The following TOX2 variants were observed in gnomAD, a reference collection of about 807,000 sequenced individuals.
The protein encoded by TOX2 is TOX high mobility group box family member 2, also known as granulosa cell HMG box 1.
A neutral mutation model predicts 47.4 loss-of-function variants in TOX2; 15 were observed. That is an observed-to-expected ratio of 0.32 (90% CI 0.21 to 0.49). The LOEUF (loss-of-function observed/expected upper bound fraction) is 0.49, where lower values mean the gene tolerates loss of function less well. TOX2 is among the 20% of genes least tolerant of loss of function. The pLI is 0.99. For synonymous variants in TOX2, 290 were observed against 296.6 expected (o/e 0.98, Z 0.23); for missense variants, 622 against 673.1 (o/e 0.92, Z 0.84).
chr20:43,960,603 T>C (rs2069741653), intron 1 of TOX2, among the ~76,000 whole-genome samples: 1 of 152,254 alleles, frequency 6.6e-6, no homozygotes, highest in South Asian at 2.1e-4. Flanking sequence ...TTCTTGTCTG[T>C]AGATTTCACA....
At chr20:44,016,361 C>T (rs1038025695) in intron 3 of TOX2, among the ~76,000 whole-genome samples, 9 of 152,140 alleles carry the variant, frequency 5.9e-5, no homozygotes, top group Admixed American at 2.0e-4. Context: ...TGAGCTCATG[C>T]AATCTGCCTG....
At chr20:44,054,622 A>T in intron 5 of TOX2, 96 bp downstream of exon 5, 1 of 1,299,894 alleles carries the variant, frequency 7.7e-7, no homozygotes, top group Non-Finnish European at 1.1e-6. Context: ...CCAGCTCTGG[A>T]ACTAGAGACT....
intron 2 of TOX2, among the ~76,000 whole-genome samples, chr20:44,005,094 A>T (rs2070655597): frequency 6.6e-6 from 1 of 152,212 alleles, no homozygotes; most frequent in African/African-American, 2.4e-5. Context: ...ATGTCCATTT[A>T]AAAAATGAAA....
At chr20:43,968,006 T>G (rs2069889763) in intron 1 of TOX2, among the ~76,000 whole-genome samples, 3 of 152,326 alleles carry the variant, frequency 2.0e-5, no homozygotes, top group Admixed American at 2.0e-4. Context: ...AAATTACATA[T>G]GTGGGTCACA....
At chr20:44,051,260 C>T (rs773923162) in intron 3 of TOX2, 46 bp from the exon 4 acceptor site, 2 of 1,552,034 alleles carry the variant, frequency 1.3e-6, no homozygotes, top group Non-Finnish European at 1.7e-6. Context: ...GATGGAGTGG[C>T]AGGACAGATC....
intron 1 of TOX2, among the ~76,000 whole-genome samples, chr20:43,959,849 T>C (rs543591015): frequency 1.4e-4 from 21 of 152,366 alleles, no homozygotes; most frequent in African/African-American, 4.8e-4. Flanking sequence ...TCTAGACTGC[T>C]GACTGCATCC....
chr20:43,971,400 G>A (rs981830171), intron 1 of TOX2, among the ~76,000 whole-genome samples: 3 of 152,232 alleles, frequency 2.0e-5, no homozygotes, highest in African/African-American at 7.2e-5. Flanking sequence ...AAAGGGTGGT[G>A]GGCTCTCAGC....
At chr20:43,917,256 T>C (rs908194972) in intron 1 of TOX2, among the ~76,000 whole-genome samples, 1 of 151,286 alleles carries the variant, frequency 6.6e-6, no homozygotes, top group South Asian at 2.1e-4. Context: ...GCCTTAGTGG[T>C]GGTGGTTGGG....
chr20:44,062,372 A>AAATAAAT (rs1268783167), intron 5 of TOX2, among the ~76,000 whole-genome samples: 16 of 131,814 alleles, frequency 1.2e-4, no homozygotes, highest in African/African-American at 4.7e-4. Flanking sequence ...ACTGCAAAAT[A>AAATAAAT]AATAAATAAA....
chr20:44,009,750 C>T (rs766763995), intron 3 of TOX2, among the ~76,000 whole-genome samples: 10 of 152,178 alleles, frequency 6.6e-5, no homozygotes, highest in South Asian at 2.1e-4. Context: ...CTCACTGCTC[C>T]GGACCATCCC....
At chr20:44,017,293 G>A (rs1352347759) in intron 3 of TOX2, among the ~76,000 whole-genome samples, 3 of 152,184 alleles carry the variant, frequency 2.0e-5, no homozygotes, top group Admixed American at 6.5e-5. Flanking sequence ...TTTGTTGTCC[G>A]CTGAGTAGGG....
At chr20:43,942,362 C>T (rs560937687) in intron 1 of TOX2, among the ~76,000 whole-genome samples, 3 of 152,190 alleles carry the variant, frequency 2.0e-5, no homozygotes, top group Non-Finnish European at 4.4e-5. Flanking sequence ...TTGTCCCTGC[C>T]CCTCACCCTG....
At chr20:43,959,161 G>T (rs1418222974) in intron 1 of TOX2, among the ~76,000 whole-genome samples, 5 of 152,186 alleles carry the variant, frequency 3.3e-5, no homozygotes, top group Non-Finnish European at 7.3e-5. Flanking sequence ...TAGGTAGCAT[G>T]CAAAACCCTG....
In TOX2 at chr20:43,952,075, A is replaced by ATTT. The variant is rs1569027872; in HGVS notation, c.100-21292_100-21291insTTT. Among the ~76,000 whole-genome samples the ATTT allele has an allele frequency of 7.1e-3, 1,064 of 150,236 alleles. 17 individuals are homozygous for ATTT. Among genetic ancestry groups the ATTT allele is most frequent in the African/African-American group, 0.023 (956 of 40,940 alleles). ...CCACACCCGGCTGATTTTTTTTTTA[A>ATTT]AATTTTTAGTAGAGATGGGGTTTCA... On this transcript the variant is annotated intron_variant, in intron 1 of 8. Coordinates refer to ENST00000341197, the MANE Select transcript of TOX2 (RefSeq NM_001098797.2).
At chr20:43,931,641 T>C (rs2069254246) in intron 1 of TOX2, among the ~76,000 whole-genome samples, 2 of 151,872 alleles carry the variant, frequency 1.3e-5, no homozygotes, top group Non-Finnish European at 2.9e-5. Context: ...GCAGTGGGAG[T>C]CCTGGAGGTG....
intron 1 of TOX2, among the ~76,000 whole-genome samples, chr20:43,918,718 A>G (rs1262562500): frequency 1.3e-5 from 2 of 152,210 alleles, no homozygotes; most frequent in Non-Finnish European, 2.9e-5. Flanking sequence ...ATATAATACA[A>G]TTGGTTTATC....
At chr20:43,994,930 G>T (rs772195999) in intron 2 of TOX2, among the ~76,000 whole-genome samples, 26 of 152,108 alleles carry the variant, frequency 1.7e-4, no homozygotes, top group Non-Finnish European at 5.9e-5. Flanking sequence ...GCACACTGCC[G>T]GTGGGAGGGT....
chr20:43,923,689 G>A (rs1182161922), intron 1 of TOX2, among the ~76,000 whole-genome samples: 2 of 152,218 alleles, frequency 1.3e-5, no homozygotes, highest in Non-Finnish European at 2.9e-5. Context: ...TTGGTGGGTT[G>A]TGGGGAGAGT....
chr20:44,043,724 A>G (rs1205219913), intron 3 of TOX2, among the ~76,000 whole-genome samples: 1 of 152,250 alleles, frequency 6.6e-6, no homozygotes, highest in African/African-American at 2.4e-5. Context: ...GTAATGCATA[A>G]CTTTCTAAAG....
Sources: gnomAD v4.1 joint callset for allele counts (sites outside exome capture counted in the v4.1 genomes callset) on GRCh38, gnomAD v4.1.1 for gene constraint, MANE v1.5 for transcripts, NCBI Gene and HGNC (gene_info 2026-07-23, HGNC 2026-07-21) for gene names.